TXLNB: variants seen among roughly 807,000 people sequenced by gnomAD.
TXLNB encodes taxilin beta, also known as beta-taxilin.
A neutral mutation model predicts 57.4 loss-of-function variants in TXLNB; 37 were observed. That is an observed-to-expected ratio of 0.64 (90% CI 0.50 to 0.85). TXLNB has a LOEUF of 0.85. Ranked by LOEUF, TXLNB falls within the 40% of genes least tolerant of loss-of-function variation. TXLNB has a pLI of 0.00. For missense variants in TXLNB, 848 were observed against 825.6 expected (o/e 1.03, Z -0.33); for synonymous variants, 302 against 309.6 (o/e 0.98, Z 0.26).
At chr6:139,185,095 C>T in the TXLNB span, among the ~76,000 whole-genome samples, 1 of 152,056 alleles carries the variant, frequency 6.6e-6, no homozygotes, top group East Asian at 1.9e-4. Flanking sequence ...TATAGGCTTG[C>T]GTTCCTCTGA....
At chr6:139,283,608 TC>T (rs1406252427) in intron 2 of TXLNB, among the ~76,000 whole-genome samples, 1 of 142,928 alleles carries the variant, frequency 7.0e-6, no homozygotes, top group Non-Finnish European at 1.5e-5. Flanking sequence ...CTCTCATAGA[TC>T]CAATCAGTCA....
At chr6:139,208,868 G>A in the TXLNB span, among the ~76,000 whole-genome samples, 3 of 152,130 alleles carry the variant, frequency 2.0e-5, no homozygotes, top group African/African-American at 4.8e-5. Context: ...CATTCCCCTT[G>A]AGAACTGGAA....
intron 9 of TXLNB, among the ~76,000 whole-genome samples, chr6:139,243,997 C>T (rs1182420111): frequency 6.6e-6 from 1 of 152,050 alleles, no homozygotes; most frequent in African/African-American, 2.4e-5. Context: ...CCTTTTTTCC[C>T]CCACTCGTTA....
At chr6:139,279,602 A>G (rs1432693986) in intron 2 of TXLNB, among the ~76,000 whole-genome samples, 1 of 152,218 alleles carries the variant, frequency 6.6e-6, no homozygotes, top group Non-Finnish European at 1.5e-5. Flanking sequence ...TGCTATGTGA[A>G]GTAATCATGG....
At chr6:139,237,598 G>T (rs1582982288), downstream of TXLNB, 1 of 151,190 alleles carries the variant, frequency 6.6e-6, no homozygotes, top group South Asian at 2.1e-4. Flanking sequence ...ATATGTAACA[G>T]ACACAATAGC....
chr6:139,309,006 GC>G, the TXLNB span, among the ~76,000 whole-genome samples: 1 of 152,202 alleles, frequency 6.6e-6, no homozygotes, highest in African/African-American at 2.4e-5. Flanking sequence ...AGAGGAGCAT[GC>G]ATTCCATTCC....
At chr6:139,238,612 A>G (rs1464639812), downstream of TXLNB, among the ~76,000 whole-genome samples, 4 of 152,240 alleles carry the variant, frequency 2.6e-5, no homozygotes, top group Non-Finnish European at 4.4e-5. Context: ...GCGTTGAGAA[A>G]AATCTTCATT....
chr6:139,277,278 C>T (rs1776922682), intron 2 of TXLNB: 2 of 164,716 alleles, frequency 1.2e-5, no homozygotes, highest in South Asian at 4.0e-4. Context: ...AAGAATACGT[C>T]ACCCGTTTTC....
the TXLNB span, chr6:139,183,089 C>T: frequency 6.6e-6 from 1 of 152,170 alleles, no homozygotes; most frequent in African/African-American, 2.4e-5. Context: ...GGAGCAAGGG[C>T]TATGCTTTTT....
the TXLNB span, among the ~76,000 whole-genome samples, chr6:139,172,541 T>C: frequency 2.6e-5 from 4 of 152,270 alleles, no homozygotes; most frequent in Non-Finnish European, 5.9e-5. Context: ...ATTGGGCTTC[T>C]TTACCACTTT....
chr6:139,313,085 T>G, the TXLNB span, among the ~76,000 whole-genome samples: 1 of 152,094 alleles, frequency 6.6e-6, no homozygotes, highest in Non-Finnish European at 1.5e-5. Flanking sequence ...CTCTTTTTTT[T>G]TTTTTGAGAT....
At position 139,274,706 on chromosome 6, in the gene TXLNB, C is replaced by G. The variant is rs1400654141; in HGVS notation, c.516+2124G>C. Among the ~76,000 whole-genome samples the G allele has an allele frequency of 2.0e-5, 3 of 152,054 alleles. No individual in the cohort carries two copies. The East Asian group carries it at 5.8e-4, about 29-fold the overall frequency. On this transcript the variant is annotated intron_variant, in intron 3 of 9. Transcript: ENST00000358430. ...GTAAGTCTGGAAAAGTGATGCTTCC[C>G]CAGTGCACTGTCGTGGGAATGTAAC...
rs898775738 is a variant in TXLNB, at chr6:139,262,757, C to G, written c.704G>C (p.Arg235Pro). The G allele has an allele frequency of 6.2e-7, 1 of 1,613,042 alleles. No individual in the cohort carries two copies. Among genetic ancestry groups the G allele is most frequent in the Admixed American group, 1.7e-5 (1 of 59,722 alleles). Residue 235 changes from arginine to proline, a missense_variant, in exon 5 of 10, where the codon CGG becomes CCG. Physicochemically the swap from Arg to Pro is moderately radical, Grantham distance 103. Transcript: ENST00000358430. ...CCTTTTCTCTTCTTCCTCACGTGCC[C>G]GCTGAAGCGCCTCTTCCTGCGGATA... Reference protein sequence around the residue: ...NKTLKEEALQRAREEEEKRKE... With the variant: ...NKTLKEEALQPAREEEEKRKE...
the TXLNB span, among the ~76,000 whole-genome samples, chr6:139,207,063 AG>A: frequency 1.3e-5 from 2 of 152,212 alleles, no homozygotes; most frequent in Non-Finnish European, 2.9e-5. Flanking sequence ...TGACAGCAGT[AG>A]GCAGATCATC....
chr6:139,219,943 G>T, the TXLNB span, among the ~76,000 whole-genome samples: 1 of 152,144 alleles, frequency 6.6e-6, no homozygotes, highest in African/African-American at 2.4e-5. Flanking sequence ...TAGAAAATAT[G>T]GTCACCGTAA....
the TXLNB span, among the ~76,000 whole-genome samples, chr6:139,322,083 C>T: frequency 3.0e-4 from 46 of 152,098 alleles, no homozygotes; most frequent in African/African-American, 9.2e-4. Flanking sequence ...CTCCAGCAAT[C>T]GTCCCACTTC....
chr6:139,188,704 C>T, the TXLNB span, among the ~76,000 whole-genome samples: 2 of 152,136 alleles, frequency 1.3e-5, no homozygotes, highest in Non-Finnish European at 2.9e-5. Flanking sequence ...GAAGCAAGAG[C>T]TTTTTGAAAA....
intron 4 of TXLNB, among the ~76,000 whole-genome samples, chr6:139,269,988 G>T (rs563507787): frequency 6.6e-6 from 1 of 152,148 alleles, no homozygotes; most frequent in African/African-American, 2.4e-5. Context: ...TTGACATTTT[G>T]GTTCTCAATC....
At chr6:139,260,172 A>G in intron 6 of TXLNB, 146 bp downstream of exon 6, 1 of 952,252 alleles carries the variant, frequency 1.1e-6, no homozygotes, top group Non-Finnish European at 1.5e-6. Flanking sequence ...GTGAGCTGAG[A>G]TCACGCCACT....
Sources: gnomAD v4.1 joint callset for allele counts (sites outside exome capture counted in the v4.1 genomes callset) on GRCh38, gnomAD v4.1.1 for gene constraint, MANE v1.5 for transcripts, NCBI Gene and HGNC (gene_info 2026-07-23, HGNC 2026-07-21) for gene names.